Variants in PRKG1 observed in about 807,000 individuals in gnomAD.
PRKG1 encodes the protein cGMP-dependent protein kinase 1.
A neutral mutation model predicts 88.1 loss-of-function variants in PRKG1; 35 were observed. The observed-to-expected ratio is 0.40, with a 90% CI of 0.30 to 0.53. PRKG1 has a LOEUF of 0.53. Ranked by LOEUF, PRKG1 falls within the 20% of genes least tolerant of loss-of-function variation. The pLI is 0.59. For missense variants in PRKG1, 540 were observed against 839.8 expected (o/e 0.64, Z 4.41); for synonymous variants, 303 against 292.5 (o/e 1.04, Z -0.37).
intron 1 of PRKG1, among the ~76,000 whole-genome samples, chr10:51,134,805 T>G (rs1339133023): frequency 2.6e-5 from 4 of 152,166 alleles, no homozygotes; most frequent in Non-Finnish European, 5.9e-5. Flanking sequence ...GTGTACAATA[T>G]TTGGTATACC....
intron 1 of PRKG1, among the ~76,000 whole-genome samples, chr10:51,088,323 G>C (rs931062153): frequency 1.7e-4 from 26 of 150,314 alleles, no homozygotes; most frequent in Admixed American, 1.5e-3. Context: ...GAAATTTTTG[G>C]AAAGTTTATC....
At chr10:51,805,976 A>C (rs182498832) in intron 4 of PRKG1, among the ~76,000 whole-genome samples, 251 of 152,278 alleles carry the variant, frequency 1.6e-3, no homozygotes, top group Non-Finnish European at 3.1e-3. Context: ...TTTTCAAGGG[A>C]ATTAAATTAT....
intron 2 of PRKG1, among the ~76,000 whole-genome samples, chr10:51,260,372 G>A (rs552156676): frequency 1.4e-4 from 21 of 151,492 alleles, no homozygotes; most frequent in African/African-American, 5.1e-4. Flanking sequence ...TTTTTCTGAC[G>A]ATTTTTTAGC....
chr10:51,301,822 T>C (rs894419340), intron 2 of PRKG1, among the ~76,000 whole-genome samples: 2 of 152,204 alleles, frequency 1.3e-5, no homozygotes, highest in African/African-American at 2.4e-5. Context: ...TTCCTGGCTA[T>C]TGGTTTTGCA....
At chr10:51,424,363 T>G (rs1164177191) in intron 2 of PRKG1, among the ~76,000 whole-genome samples, 2 of 151,886 alleles carry the variant, frequency 1.3e-5, no homozygotes, top group African/African-American at 2.4e-5. Flanking sequence ...ATATGATACC[T>G]TTCCAATATT....
intron 3 of PRKG1, chr10:51,698,091 C>T: frequency 1.9e-6 from 3 of 1,614,106 alleles, no homozygotes; most frequent in Non-Finnish European, 2.5e-6. Context: ...TGAGGAGGGC[C>T]ACCTGCCCCT....
At chr10:51,031,973 A>G (rs1330390325) in intron 1 of PRKG1, among the ~76,000 whole-genome samples, 1 of 152,226 alleles carries the variant, frequency 6.6e-6, no homozygotes, top group East Asian at 1.9e-4. Context: ...TATCATTTAT[A>G]TGAAGCATAT....
intron 3 of PRKG1, among the ~76,000 whole-genome samples, chr10:51,665,905 G>T (rs1034665897): frequency 6.6e-6 from 1 of 151,800 alleles, no homozygotes; most frequent in African/African-American, 2.4e-5. Context: ...AGAGCTAGAG[G>T]TATTTATGAA....
intron 3 of PRKG1, among the ~76,000 whole-genome samples, chr10:51,760,765 C>T (rs2132526845): frequency 6.6e-6 from 1 of 152,156 alleles, no homozygotes; most frequent in South Asian, 2.1e-4. Flanking sequence ...AGCCACCTTG[C>T]CTGGCCAGAA....
chr10:51,841,343 C>G (rs74132454), intron 4 of PRKG1, among the ~76,000 whole-genome samples: 2,791 of 152,180 alleles, frequency 0.018, 94 homozygotes, highest in African/African-American at 0.063. Flanking sequence ...AGTTCATAGT[C>G]AAATGGGAGC....
intron 5 of PRKG1, among the ~76,000 whole-genome samples, chr10:52,009,657 G>T (rs1483014167): frequency 1.3e-5 from 2 of 152,048 alleles, no homozygotes; most frequent in African/African-American, 4.8e-5. Flanking sequence ...ATTCTTCACA[G>T]AATTAGAAAA....
intron 3 of PRKG1, among the ~76,000 whole-genome samples, chr10:51,760,541 C>T (rs933773146): frequency 3.6e-4 from 55 of 151,318 alleles, no homozygotes; most frequent in African/African-American, 1.3e-3. Context: ...GCACTATCTC[C>T]GCTCACTACA....
intron 1 of PRKG1, among the ~76,000 whole-genome samples, chr10:51,050,223 A>G (rs1843544478): frequency 6.6e-6 from 1 of 151,954 alleles, no homozygotes; most frequent in African/African-American, 2.4e-5. Context: ...ACAGTTCAGT[A>G]TTGTTTACTA....
chr10:52,150,825 C>T lies in PRKG1; in HGVS notation c.1002-11064C>T, dbSNP rs547514378. ...AAATCAGTGACTATCATAGTATTTG[C>T]ATTCCCAAGATATTTTTCTTAGCCA... On this transcript the variant is annotated intron_variant, in intron 8 of 17. Coordinates refer to ENST00000373980, the MANE Select transcript of PRKG1 (RefSeq NM_006258.4). Among the ~76,000 whole-genome samples the T allele has an allele frequency of 1.9e-4, 29 of 152,248 alleles. 1 individual carries two copies. The South Asian group carries it at 5.8e-3, about 30-fold the overall frequency.
intron 2 of PRKG1, among the ~76,000 whole-genome samples, chr10:51,275,339 G>A (rs1336257677): frequency 6.6e-6 from 1 of 152,084 alleles, no homozygotes; most frequent in Admixed American, 6.6e-5. Context: ...TAATATACTG[G>A]TAAATCACAC....
At chr10:52,266,188 T>TATG (rs1841565590) in intron 10 of PRKG1, among the ~76,000 whole-genome samples, 1 of 123,872 alleles carries the variant, frequency 8.1e-6, no homozygotes, top group Non-Finnish European at 1.9e-5. Context: ...ATTAATGCTT[T>TATG]ATTATTATTA....
At chr10:52,198,352 T>G (rs1467876290) in intron 9 of PRKG1, among the ~76,000 whole-genome samples, 1 of 152,186 alleles carries the variant, frequency 6.6e-6, no homozygotes, top group African/African-American at 2.4e-5. Flanking sequence ...TTTTTATGAC[T>G]TAGCATCCTG....
chr10:51,469,280 C>A (rs1277515819), intron 3 of PRKG1, among the ~76,000 whole-genome samples: 1 of 151,652 alleles, frequency 6.6e-6, no homozygotes, highest in African/African-American at 2.4e-5. Context: ...TTGATGATAT[C>A]TCAGTATTAT....
chr10:52,206,935 C>T (rs1839835150), intron 9 of PRKG1, among the ~76,000 whole-genome samples: 1 of 152,198 alleles, frequency 6.6e-6, no homozygotes, highest in Admixed American at 6.5e-5. Context: ...GTGGTGTCTG[C>T]ACATCAGCTT....
Sources: allele counts gnomAD v4.1 joint callset (sites outside exome capture counted in the v4.1 genomes callset), GRCh38; gene constraint gnomAD v4.1.1; transcripts MANE v1.5; gene names NCBI Gene and HGNC (gene_info 2026-07-23, HGNC 2026-07-21).